Variants in CTNND2 observed in about 807,000 individuals in gnomAD.
CTNND2 encodes the protein catenin delta 2.
In CTNND2, 22 loss-of-function variants were observed where a neutral mutation model predicts 144.4. The ratio of observed to expected loss-of-function variants is 0.15; its 90% CI spans 0.11 to 0.22. The LOEUF is 0.22. CTNND2 is among the 10% of genes least tolerant of loss of function. The pLI is 1.00. For missense variants in CTNND2, 1,353 were observed against 1,618.8 expected (o/e 0.84, Z 2.82); for synonymous variants, 751 against 695.6 (o/e 1.08, Z -1.25).
chr5:11,226,111 C>T (rs1440886918), intron 10 of CTNND2, among the ~76,000 whole-genome samples: 1 of 152,226 alleles, frequency 6.6e-6, no homozygotes, highest in African/African-American at 2.4e-5. Flanking sequence ...GGACTTGTAG[C>T]CTCCAGCATC....
At chr5:11,691,695 A>T (rs1034045616) in intron 2 of CTNND2, among the ~76,000 whole-genome samples, 2 of 152,116 alleles carry the variant, frequency 1.3e-5, no homozygotes, top group Non-Finnish European at 2.9e-5. Context: ...ACTTCAGCTC[A>T]GGAGTTTAAG....
intron 9 of CTNND2, among the ~76,000 whole-genome samples, chr5:11,331,989 A>C (rs1398985035): frequency 6.6e-6 from 1 of 152,138 alleles, no homozygotes; most frequent in Admixed American, 6.6e-5. Context: ...TTTAAGAATA[A>C]TGTAGGCCGG....
chr5:11,807,959 T>C (rs1792098330), intron 1 of CTNND2, among the ~76,000 whole-genome samples: 1 of 152,142 alleles, frequency 6.6e-6, no homozygotes, highest in Non-Finnish European at 1.5e-5. Context: ...ACAAAAGAAG[T>C]ATAGGAAATA....
chr5:11,514,247 C>T (rs990566294), intron 3 of CTNND2, among the ~76,000 whole-genome samples: 2 of 151,726 alleles, frequency 1.3e-5, no homozygotes, highest in Non-Finnish European at 2.9e-5. Context: ...TTTCAATATA[C>T]ACATATATAT....
intron 9 of CTNND2, among the ~76,000 whole-genome samples, chr5:11,256,490 C>T (rs533639632): frequency 6.6e-6 from 1 of 152,320 alleles, no homozygotes; most frequent in East Asian, 1.9e-4. Context: ...TTTAACTCAT[C>T]ATTATCTTCG....
intron 1 of CTNND2, among the ~76,000 whole-genome samples, chr5:11,865,240 G>A (rs1795707992): frequency 6.6e-6 from 1 of 152,160 alleles, no homozygotes; most frequent in Non-Finnish European, 1.5e-5. Context: ...AAGAATATGA[G>A]ATGGAGAAGA....
chr5:11,380,447 T>C (rs1758361771), intron 7 of CTNND2, among the ~76,000 whole-genome samples: 1 of 152,208 alleles, frequency 6.6e-6, no homozygotes, highest in African/African-American at 2.4e-5. Context: ...GATACAATGG[T>C]GACCCCTTTT....
chr5:11,195,749 T>C (rs1222921831), intron 11 of CTNND2, among the ~76,000 whole-genome samples: 1 of 152,234 alleles, frequency 6.6e-6, no homozygotes, highest in African/African-American at 2.4e-5. Flanking sequence ...TAGTTGGGCA[T>C]ACTCAAAATT....
At chr5:11,585,217 T>C (rs1265238663) in intron 2 of CTNND2, among the ~76,000 whole-genome samples, 1 of 152,174 alleles carries the variant, frequency 6.6e-6, no homozygotes, top group African/African-American at 2.4e-5. Context: ...ACTCAGGTCT[T>C]ACTCTGCTCC....
In CTNND2 at chr5:10,986,705, C is replaced by T. The variant is rs570194817; in HGVS notation, c.3343+1406G>A. ...GTCTCAGGAGCAGCGCTGAGGTGTT[C>T]CCTTGTAGGGTCTGCACATGGAGGC... On this transcript the variant is annotated intron_variant, in intron 20 of 21. Coordinates refer to ENST00000304623, the MANE Select transcript of CTNND2 (RefSeq NM_001332.4). 1.5e-5 allele frequency: 7 copies of T among 456,158 alleles called. No individual in the cohort carries two copies. The East Asian group carries it at 3.5e-4, about 23-fold the overall frequency. The allele number at this position is 456,158 out of a possible 1,614,324, so 28.3% of individuals were successfully genotyped here.
chr5:11,096,882 T>G (rs1751409275), intron 15 of CTNND2, among the ~76,000 whole-genome samples: 1 of 152,092 alleles, frequency 6.6e-6, no homozygotes, highest in African/African-American at 2.4e-5. Flanking sequence ...TGTGTCTTAG[T>G]CAGGCTGATG....
At chr5:11,404,470 TA>T (rs1227787287) in intron 5 of CTNND2, among the ~76,000 whole-genome samples, 1 of 152,032 alleles carries the variant, frequency 6.6e-6, no homozygotes, top group African/African-American at 2.4e-5. Context: ...TTTAACAAAA[TA>T]AATGACTGGA....
intron 2 of CTNND2, among the ~76,000 whole-genome samples, chr5:11,605,595 T>C (rs1336666135): frequency 6.6e-6 from 1 of 152,190 alleles, no homozygotes; most frequent in African/African-American, 2.4e-5. Context: ...CTTAATGTAT[T>C]ATGCTATATT....
At chr5:11,101,885 A>ATGTGTGTGTGTGTGTGTG (rs1491537465) in intron 14 of CTNND2, among the ~76,000 whole-genome samples, 29 of 89,676 alleles carry the variant, frequency 3.2e-4, no homozygotes, top group Middle Eastern at 6.0e-3. Flanking sequence ...TGACGACCAC[A>ATGTGTGTGTGTGTGTGTG]TATGTGTGTG....
chr5:11,136,220 G>A (rs569461341), intron 12 of CTNND2, among the ~76,000 whole-genome samples: 12 of 152,092 alleles, frequency 7.9e-5, no homozygotes, highest in Non-Finnish European at 1.2e-4. Flanking sequence ...TGAATTACCT[G>A]GTCTAAGCTG....
intron 3 of CTNND2, among the ~76,000 whole-genome samples, chr5:11,414,165 C>T (rs376439452): frequency 3.9e-5 from 6 of 152,058 alleles, no homozygotes; most frequent in South Asian, 4.2e-4. Flanking sequence ...TCAAGGAATG[C>T]GTGAAGTCAT....
At chr5:11,312,586 G>C (rs553475100) in intron 9 of CTNND2, among the ~76,000 whole-genome samples, 35 of 144,636 alleles carry the variant, frequency 2.4e-4, no homozygotes, top group African/African-American at 8.5e-4. Context: ...ACAACATGTG[G>C]GAATTCTGGG....
At chr5:11,650,107 G>A (rs958222431) in intron 2 of CTNND2, among the ~76,000 whole-genome samples, 6 of 152,290 alleles carry the variant, frequency 3.9e-5, no homozygotes, top group South Asian at 2.1e-4. Flanking sequence ...AATGTTGGAG[G>A]AGGGGCCTGG....
intron 2 of CTNND2, among the ~76,000 whole-genome samples, chr5:11,572,008 A>G (rs529735467): frequency 1.3e-5 from 2 of 152,282 alleles, no homozygotes; most frequent in African/African-American, 4.8e-5. Context: ...AGGGGGTTAT[A>G]ACCCCTTTTA....
Sources: allele counts gnomAD v4.1 joint callset (sites outside exome capture counted in the v4.1 genomes callset), GRCh38; gene constraint gnomAD v4.1.1; transcripts MANE v1.5; gene names NCBI Gene and HGNC (gene_info 2026-07-23, HGNC 2026-07-21).